The following IVD variants were observed in gnomAD, a reference collection of about 807,000 sequenced individuals.
The protein encoded by IVD is isovaleryl-CoA dehydrogenase, mitochondrial.
Under a neutral mutation model 51.3 loss-of-function variants are expected in IVD, and 31 were observed. The ratio of observed to expected loss-of-function variants is 0.60; its 90% CI spans 0.45 to 0.81. IVD has a LOEUF of 0.81. IVD is among the 40% of genes least tolerant of loss of function. The pLI is 0.00. For synonymous variants in IVD, 205 were observed against 219.4 expected, an observed-to-expected ratio of 0.93 and a Z score of 0.58; for missense variants, 475 against 552.0, an observed-to-expected ratio of 0.86 and a Z score of 1.40.
At chr15:40,417,580 C>CTTGAAGTG (rs936000075) in intron 11 of IVD, among the ~76,000 whole-genome samples, 8 of 151,570 alleles carry the variant, frequency 5.3e-5, no homozygotes, top group African/African-American at 1.9e-4. Flanking sequence ...TCCTGAATAG[C>CTTGAAGTG]TTGAAGTGTT....
Position 40,410,614 on chromosome 15 carries a change from C to G in IVD, c.287-14C>G. ...GGCTGCGTTTTCCACTCCCTTGTAC[C>G]ACACCACTCACAGTTCAGTATGGCG... On this transcript the variant is annotated splice_polypyrimidine_tract_variant and intron_variant, in intron 3 of 11. Transcript: ENST00000487418. 1.9e-6 allele frequency: 3 copies of G among 1,614,112 alleles called. No individual in the cohort carries two copies. In the South Asian group the frequency reaches 3.3e-5, roughly 18 times the overall value.
At chr15:40,417,755 CAG>C (rs1257316839) in intron 11 of IVD, among the ~76,000 whole-genome samples, 1 of 152,126 alleles carries the variant, frequency 6.6e-6, no homozygotes, top group Admixed American at 6.6e-5. Flanking sequence ...TCAGTGGCCC[CAG>C]ATTGCAAGAG....
At chr15:40,421,401 C>T (rs1001253494), downstream of IVD, 26 of 985,316 alleles carry the variant, frequency 2.6e-5, no homozygotes, top group African/African-American at 4.5e-4. Context: ...TTGGGCAAAT[C>T]TGCAGCACCA....
chr15:40,431,491 C>T (rs951910248), intron 7 of IVD, among the ~76,000 whole-genome samples: 1 of 152,046 alleles, frequency 6.6e-6, no homozygotes, highest in Admixed American at 6.6e-5. Flanking sequence ...GTCAGGAGAC[C>T]GAGACCAGCC....
chr15:40,422,433 G>A (rs1347871984), downstream of IVD, among the ~76,000 whole-genome samples: 2 of 151,592 alleles, frequency 1.3e-5, no homozygotes, highest in African/African-American at 4.8e-5. Context: ...ACAAGCGCCC[G>A]CCACCATGCC....
intron 5 of IVD, 93 bp downstream of exon 5, chr15:40,411,446 T>C: frequency 1.3e-6 from 2 of 1,598,524 alleles, no homozygotes; most frequent in Non-Finnish European, 1.7e-6. Context: ...CCCTGCTGGG[T>C]TTCCAGAACT....
intron 10 of IVD, 47 bp from the exon 11 acceptor site, chr15:40,416,243 G>A (rs1439105980): frequency 6.2e-7 from 1 of 1,612,274 alleles, no homozygotes. Flanking sequence ...GAGACTTGCT[G>A]TCTGCGTGCC....
chr15:40,426,572 T>TG (rs909955465), downstream of IVD, among the ~76,000 whole-genome samples: 3 of 151,804 alleles, frequency 2.0e-5, no homozygotes, highest in African/African-American at 7.3e-5. Context: ...ACCATTCCTG[T>TG]GGGTATCTTC....
chr15:40,429,007 A>G (rs1369968658), downstream of IVD, among the ~76,000 whole-genome samples: 1 of 152,036 alleles, frequency 6.6e-6, no homozygotes, highest in East Asian at 1.9e-4. Flanking sequence ...GAAACTCCCT[A>G]TGGCCACTCC....
chr15:40,417,126 C>A (rs1295458981), intron 11 of IVD, among the ~76,000 whole-genome samples: 2 of 151,304 alleles, frequency 1.3e-5, no homozygotes, highest in African/African-American at 4.9e-5. Context: ...ATCTCTTGAA[C>A]CCAGGAGGCG....
chr15:40,414,274 GAGCTGTGC>G (rs1360732311), intron 7 of IVD: 1 of 158,480 alleles, frequency 6.3e-6, no homozygotes, highest in Non-Finnish European at 1.4e-5. Context: ...CAGGGAGGGG[GAGCTGTGC>G]AGCTCCTTCT....
chr15:40,417,990 C>CGG, intron 11 of IVD, 140 bp from the exon 12 acceptor site: 4 of 1,090,784 alleles, frequency 3.7e-6, no homozygotes, highest in East Asian at 2.6e-5. Context: ...TTCCCCACAC[C>CGG]CCTCCCTCTT....
intron 11 of IVD, among the ~76,000 whole-genome samples, chr15:40,417,687 G>A (rs1375557598): frequency 6.6e-6 from 1 of 152,096 alleles, no homozygotes; most frequent in African/African-American, 2.4e-5. Context: ...GTCACCTAGG[G>A]TATCCAATCA....
chr15:40,422,489 T>C (rs1426741513), downstream of IVD, among the ~76,000 whole-genome samples: 2 of 150,958 alleles, frequency 1.3e-5, no homozygotes, highest in East Asian at 2.0e-4. Context: ...TTCGCCGTGT[T>C]AGCCAGGATG....
At chr15:40,409,835 CTTT>C (rs11365500) in intron 3 of IVD, among the ~76,000 whole-genome samples, 7 of 131,702 alleles carry the variant, frequency 5.3e-5, no homozygotes, top group Non-Finnish European at 6.4e-5. Flanking sequence ...CTGCTTCTTT[CTTT>C]TTTTTTTTTT....
At chr15:40,432,544 C>A (rs1893037746) in intron 7 of IVD, among the ~76,000 whole-genome samples, 1 of 152,220 alleles carries the variant, frequency 6.6e-6, no homozygotes, top group Non-Finnish European at 1.5e-5. Flanking sequence ...GCTGTGGGTT[C>A]ACTGAGGTTA....
chr15:40,415,633 A>G (rs1891586327), intron 9 of IVD, 151 bp downstream of exon 9: 1 of 737,962 alleles, frequency 1.4e-6, no homozygotes, highest in Middle Eastern at 2.6e-4. Context: ...CTCAGCATGC[A>G]GCCTGACTCT....
intron 6 of IVD, chr15:40,412,748 T>C (rs1891212732): frequency 3.9e-6 from 2 of 513,524 alleles, no homozygotes; most frequent in Non-Finnish European, 7.1e-6. Flanking sequence ...GAGCATATCA[T>C]TGAGAAAGAA....
chr15:40,419,287 G>T lies in IVD; in HGVS notation c.*1024G>T, dbSNP rs894976526. The T allele has an allele frequency of 2.2e-5, 26 of 1,205,800 alleles. No individual in the cohort carries two copies. The African/African-American group carries it at 4.1e-4, about 19-fold the overall frequency. The allele number at this position is 1,205,800 out of a possible 1,614,324, so 74.7% of individuals were successfully genotyped here. On this transcript the variant is annotated 3_prime_UTR_variant, in exon 12 of 12. Coordinates refer to ENST00000487418, the MANE Select transcript of IVD (RefSeq NM_002225.5). ...GCACTTTGGGAGGCCAAGGCAGGTG[G>T]ATCACTTGCAGTCAGGAGTTCAAGA...
Sources: gnomAD v4.1 joint callset for allele counts (sites outside exome capture counted in the v4.1 genomes callset) on GRCh38, gnomAD v4.1.1 for gene constraint, MANE v1.5 for transcripts, NCBI Gene and HGNC (gene_info 2026-07-23, HGNC 2026-07-21) for gene names.